The following LRRK2 variants were observed in gnomAD, a reference collection of about 807,000 sequenced individuals.
The protein encoded by LRRK2 is leucine rich repeat kinase 2, also known as leucine-rich repeat serine/threonine-protein kinase 2.
In LRRK2, 203 loss-of-function variants were observed where a neutral mutation model predicts 302.6. The observed-to-expected ratio is 0.67, with a 90% CI of 0.60 to 0.75. The LOEUF (loss-of-function observed/expected upper bound fraction) is 0.75. Ranked by LOEUF, LRRK2 falls within the 30% of genes least tolerant of loss-of-function variation. The pLI is 0.00. For synonymous variants in LRRK2, 1,066 were observed against 1,031.9 expected, an observed-to-expected ratio of 1.03 and a Z score of -0.63; for missense variants, 2,830 against 2,951.0, an observed-to-expected ratio of 0.96 and a Z score of 0.95.
intron 33 of LRRK2, among the ~76,000 whole-genome samples, chr12:40,319,167 A>G (rs917692122): frequency 1.3e-5 from 2 of 152,116 alleles, no homozygotes; most frequent in Admixed American, 6.6e-5. Context: ...GAATATATAG[A>G]TAAATATGCT....
chr12:40,255,344 C>T (rs1942454124), intron 11 of LRRK2, among the ~76,000 whole-genome samples: 1 of 152,066 alleles, frequency 6.6e-6, no homozygotes, highest in Non-Finnish European at 1.5e-5. Flanking sequence ...TGCAGGGCGT[C>T]GCATATTGTT....
Position 40,298,244 on chromosome 12 carries a change from C to G in LRRK2, c.3098C>G (p.Thr1033Ser). 2 of 1,613,156 alleles carry G rather than the reference C, an allele frequency of 1.2e-6. No homozygotes were observed. Among genetic ancestry groups the G allele is most frequent in the South Asian group, 1.1e-5 (1 of 91,064 alleles). Residue 1033 changes from threonine to serine, a missense_variant and splice_region_variant, in exon 24 of 51, where the codon ACT becomes AGT. Physicochemically the swap from Thr to Ser is moderately conservative, Grantham distance 58 (BLOSUM62 1). Around this residue, in one of 3 missense-constraint regions of LRRK2, gnomAD observed 2,121 missense variants for 2,148.0 expected, o/e 0.99. Coordinates refer to ENST00000298910, the MANE Select transcript of LRRK2 (RefSeq NM_198578.4). ...LTSFPQQLCE[T>S]LKSLTHLDLH... ...AATTTTAAACTATTGTCTTTTCAGACTCTGAAGAGTTTGACACATTTGGAC... is the reference window on the plus strand; with the variant it reads ...AATTTTAAACTATTGTCTTTTCAGAGTCTGAAGAGTTTGACACATTTGGAC...
In LRRK2 at chr12:40,299,266, T is replaced by A; in HGVS notation, c.3496+9T>A. On this transcript the variant is annotated intron_variant, in intron 25 of 50. Coordinates refer to ENST00000298910, the MANE Select transcript of LRRK2 (RefSeq NM_198578.4). ...CAGAATGAATTTTCTTGGTAAGTGT[T>A]CTGTGTGGGTCTCCTCCTTACCAGG... 1 of 1,612,896 alleles carries A rather than the reference T, an allele frequency of 6.2e-7. No homozygotes were observed. The highest frequency in any genetic ancestry group is 1.3e-5 in the African/African-American group (1 of 74,956).
chr12:40,261,598 T>G (rs1158574124), intron 13 of LRRK2, among the ~76,000 whole-genome samples: 4 of 152,168 alleles, frequency 2.6e-5, no homozygotes, highest in Non-Finnish European at 5.9e-5. Flanking sequence ...CATACTGTAC[T>G]GTACCCAACG....
chr12:40,311,301 C>T (rs1945029224), intron 31 of LRRK2, among the ~76,000 whole-genome samples: 1 of 152,024 alleles, frequency 6.6e-6, no homozygotes, highest in South Asian at 2.1e-4. Flanking sequence ...TTCTCGTAAG[C>T]CAAATTTTTA....
chr12:40,318,336 C>T (rs1410784682), intron 33 of LRRK2, among the ~76,000 whole-genome samples: 2 of 151,952 alleles, frequency 1.3e-5, no homozygotes, highest in African/African-American at 4.8e-5. Context: ...GCTATAGATC[C>T]ACTAGGAAAA....
intron 39 of LRRK2, among the ~76,000 whole-genome samples, chr12:40,333,950 G>A (rs1300807294): frequency 6.6e-6 from 1 of 152,058 alleles, no homozygotes; most frequent in Non-Finnish European, 1.5e-5. Flanking sequence ...AGAAGGTCTG[G>A]AAGGCCTGGG....
intron 48 of LRRK2, among the ~76,000 whole-genome samples, chr12:40,364,324 C>A (rs1227965906): frequency 6.6e-6 from 1 of 151,906 alleles, no homozygotes; most frequent in African/African-American, 2.4e-5. Context: ...ATAAAGGGTT[C>A]CTTACTTCCT....
At chr12:40,314,221 A>T (rs751987730) in intron 32 of LRRK2, 48 bp downstream of exon 32, 2 of 1,545,028 alleles carry the variant, frequency 1.3e-6, no homozygotes, top group Admixed American at 3.4e-5. Context: ...GTAGTAACTT[A>T]TAAAAGTGTT....
chr12:40,363,692 C>A, intron 48 of LRRK2, 138 bp downstream of exon 48: 2 of 863,380 alleles, frequency 2.3e-6, no homozygotes, highest in Non-Finnish European at 3.6e-6. Flanking sequence ...TGTAATGCTT[C>A]TCAGCACCAT....
intron 7 of LRRK2, among the ~76,000 whole-genome samples, chr12:40,246,071 A>G (rs569872207): frequency 2.6e-5 from 4 of 152,106 alleles, no homozygotes; most frequent in Non-Finnish European, 5.9e-5. Flanking sequence ...TCTCCCATCC[A>G]AAATAATGCA....
At position 40,302,865 on chromosome 12, in the gene LRRK2, A is replaced by G; in HGVS notation, c.3573A>G (p.Ala1191=). Residue 1191 remains alanine, a synonymous_variant, in exon 26 of 51, where the codon GCA becomes GCG. Coordinates refer to ENST00000298910, the MANE Select transcript of LRRK2 (RefSeq NM_198578.4). ...SQNKFSCIPE[A]ILNLPHLRSL... ...ACAAATTTTCCTGTATTCCAGAAGC[A>G]ATTTTAAATCTTCCACAGTAAGTTT... 1.9e-6 allele frequency: 3 copies of G among 1,590,662 alleles called. No homozygotes were observed. Among genetic ancestry groups the G allele is most frequent in the Non-Finnish European group, 2.6e-6 (3 of 1,159,140 alleles).
chr12:40,347,566 G>T (rs1220186995), intron 42 of LRRK2, among the ~76,000 whole-genome samples: 2 of 152,096 alleles, frequency 1.3e-5, no homozygotes, highest in Admixed American at 6.5e-5. Flanking sequence ...TCTTTTTTGG[G>T]TATAACTTCA....
At position 40,277,963 on chromosome 12, in the gene LRRK2, T is replaced by C. The variant is rs1218456602; in HGVS notation, c.2017T>C (p.Leu673=). 2.5e-6 allele frequency: 4 copies of C among 1,613,438 alleles called. No individual in the cohort carries two copies. The East Asian group carries it at 8.9e-5, about 36-fold the overall frequency. The stretch of plus-strand genomic sequence containing the variant: ...GCTGCTGGTGCATCATTCATTTGAC[T>C]TAGTAATATTCCATCAAATGTCTTC... The part of the protein sequence containing the change: ...SKLLVHHSFD[L]VIFHQMSSNI... The change falls in exon 17 of 51, where the codon TTA becomes CTA. Residue 673 remains leucine, a synonymous_variant. Coordinates refer to ENST00000298910, the MANE Select transcript of LRRK2 (RefSeq NM_198578.4).
At chr12:40,325,091 G>T (rs1001155935) in intron 38 of LRRK2, among the ~76,000 whole-genome samples, 1 of 152,062 alleles carries the variant, frequency 6.6e-6, no homozygotes, top group Non-Finnish European at 1.5e-5. Context: ...TTGAAGACCA[G>T]CCTGACCAAG....
At chr12:40,309,032 A>G in intron 29 of LRRK2, 74 bp from the exon 30 acceptor site, 2 of 1,479,878 alleles carry the variant, frequency 1.4e-6, no homozygotes, top group East Asian at 2.3e-5. Flanking sequence ...TTATTCTCCC[A>G]GATTTTTTTT....
chr12:40,228,397 T>C (rs1476795857), intron 2 of LRRK2, among the ~76,000 whole-genome samples: 2 of 151,828 alleles, frequency 1.3e-5, no homozygotes, highest in South Asian at 4.2e-4. Flanking sequence ...TTTTGAGAAA[T>C]GTCTATTTGG....
chr12:40,250,047 C>T, intron 8 of LRRK2, 102 bp downstream of exon 8: 1 of 1,394,490 alleles, frequency 7.2e-7, no homozygotes, highest in Non-Finnish European at 9.9e-7. Flanking sequence ...GCATTCAATG[C>T]CTTTTCTGTC....
chr12:40,310,418 T>A lies in LRRK2; in HGVS notation c.4318-13T>A. 6.2e-7 allele frequency: 1 copy of A among 1,612,940 alleles called. No homozygotes were observed. Among genetic ancestry groups the A allele is most frequent in the Admixed American group, 1.7e-5 (1 of 59,888 alleles). ...AAAGCAAACACAAGAGGGTTTTGTG[T>A]CTTTCCCTCCAGGCTCGCGCTTCTT... On this transcript the variant is annotated splice_polypyrimidine_tract_variant and intron_variant, in intron 30 of 50. Transcript: ENST00000298910.
Sources: allele counts gnomAD v4.1 joint callset (sites outside exome capture counted in the v4.1 genomes callset), GRCh38; gene constraint gnomAD v4.1.1; regional missense constraint gnomAD v4.1.1; transcripts MANE v1.5; gene names NCBI Gene and HGNC (gene_info 2026-07-23, HGNC 2026-07-21).